The following LRRC37A variants were observed in gnomAD, a reference collection of about 807,000 sequenced individuals.
LRRC37A encodes leucine rich repeat containing 37A.
A neutral mutation model predicts 35.4 loss-of-function variants in LRRC37A; 3 were observed. The observed-to-expected ratio is 0.08, with a 90% confidence interval of 0.04 to 0.22. LRRC37A has a LOEUF of 0.22. LRRC37A is among the 10% of genes least tolerant of loss of function. The probability of loss-of-function intolerance (pLI) is 1.00; values close to 1 mark genes in which losing one functional copy is unlikely to be tolerated. For synonymous variants in LRRC37A, 23 were observed against 215.0 expected, an observed-to-expected ratio of 0.11 and a Z score of 7.81; for missense variants, 67 against 565.3, an observed-to-expected ratio of 0.12 and a Z score of 8.94.
At chr17:46,253,120 C>T in the LRRC37A span, among the ~76,000 whole-genome samples, 87 of 148,096 alleles carry the variant, frequency 5.9e-4, no homozygotes, top group African/African-American at 2.0e-3. Flanking sequence ...ATGGGGCGGC[C>T]GGGCAGAGAC....
the LRRC37A span, among the ~76,000 whole-genome samples, chr17:46,285,241 C>CT: frequency 0.063 from 8,609 of 137,356 alleles, 313 homozygotes; most frequent in Middle Eastern, 0.12. Flanking sequence ...CTTTTCTTTC[C>CT]TTTTTTTTTT....
At chr17:46,289,820 T>G (rs1334743761), upstream of LRRC37A, among the ~76,000 whole-genome samples, 4 of 152,232 alleles carry the variant, frequency 2.6e-5, no homozygotes, top group Non-Finnish European at 5.9e-5. Flanking sequence ...ATTTTATTTT[T>G]CCTTCTTTGA....
chr17:46,276,807 T>TTCTTTTTTTTTTTTTTTTC, the LRRC37A span, among the ~76,000 whole-genome samples: 1 of 149,604 alleles, frequency 6.7e-6, no homozygotes, highest in Non-Finnish European at 1.5e-5. Context: ...TTTTTTTTTT[T>TTCTTTTTTTTTTTTTTTTC]GATTTGTTTG....
chr17:46,256,956 T>C, the LRRC37A span, among the ~76,000 whole-genome samples: 1 of 152,390 alleles, frequency 6.6e-6, no homozygotes, highest in African/African-American at 2.4e-5. Context: ...AACAGCTATG[T>C]TTTATGTTAA....
At chr17:46,261,272 A>G in the LRRC37A span, among the ~76,000 whole-genome samples, 1 of 152,086 alleles carries the variant, frequency 6.6e-6, no homozygotes, top group Non-Finnish European at 1.5e-5. Flanking sequence ...GGAAGTGTAT[A>G]TTATCACTTC....
At chr17:46,279,853 T>C in the LRRC37A span, among the ~76,000 whole-genome samples, 3 of 152,214 alleles carry the variant, frequency 2.0e-5, no homozygotes, top group Non-Finnish European at 2.9e-5. Flanking sequence ...CCTTTCATTT[T>C]TATCCCTGAC....
At chr17:46,290,818 C>CA (rs1193553365), upstream of LRRC37A, among the ~76,000 whole-genome samples, 4 of 152,196 alleles carry the variant, frequency 2.6e-5, no homozygotes, top group African/African-American at 9.7e-5. Context: ...CAAAAACAAA[C>CA]AAAAAACCCA....
rs1319003583 is a variant in LRRC37A, at chr17:46,316,562, G to C, written c.2907-5760G>C. ...GCAATGCTGTCACCTCAGCCTCCTG[G>C]GTAGCTGAGACTACAGGCATGCACC... On this transcript the variant is annotated intron_variant, in intron 5 of 13. Coordinates refer to ENST00000320254, the Ensembl canonical transcript of LRRC37A. Among the ~76,000 whole-genome samples the C allele has an allele frequency of 7.6e-5, 5 of 65,492 alleles. 1 individual carries two copies. The highest frequency in any genetic ancestry group is 2.0e-4 in the African/African-American group (5 of 25,216). The allele number at this position is 65,492 out of a possible 152,430, so 43.0% of individuals were successfully genotyped here. A position where few individuals can be genotyped will look rare whatever the true frequency, so the allele number is the denominator to read the frequency against.
At chr17:46,262,716 C>T in the LRRC37A span, among the ~76,000 whole-genome samples, 2 of 149,378 alleles carry the variant, frequency 1.3e-5, no homozygotes, top group East Asian at 2.0e-4. Flanking sequence ...AACCGGGAGG[C>T]GGAGGTTGCG....
chr17:46,289,030 C>T (rs143191405), upstream of LRRC37A, among the ~76,000 whole-genome samples: 1,148 of 152,112 alleles, frequency 7.5e-3, 62 homozygotes, highest in East Asian at 0.13. Context: ...ATGCATTTTG[C>T]CATACTTTTT....
the LRRC37A span, among the ~76,000 whole-genome samples, chr17:46,248,763 G>A: frequency 2.0e-5 from 3 of 151,888 alleles, no homozygotes; most frequent in Non-Finnish European, 2.9e-5. Flanking sequence ...CAAGTGATCC[G>A]CCCGCCTTGG....
the LRRC37A span, chr17:46,267,162 G>A: frequency 1.2e-4 from 69 of 559,090 alleles, no homozygotes; most frequent in South Asian, 1.6e-3. Context: ...GGTGAGCCCG[G>A]CCGCCGCGCC....
At chr17:46,291,686 C>G (rs1284231498), upstream of LRRC37A, among the ~76,000 whole-genome samples, 2 of 151,870 alleles carry the variant, frequency 1.3e-5, no homozygotes, top group Non-Finnish European at 2.9e-5. Flanking sequence ...TTTGGGAAGT[C>G]GAGGAAGGAG....
chr17:46,257,664 A>C, the LRRC37A span, among the ~76,000 whole-genome samples: 28 of 151,478 alleles, frequency 1.8e-4, no homozygotes, highest in Admixed American at 1.8e-3. Flanking sequence ...AAAAAAAAAA[A>C]AAAACACCAA....
At chr17:46,287,544 G>A in the LRRC37A span, among the ~76,000 whole-genome samples, 1 of 152,262 alleles carries the variant, frequency 6.6e-6, no homozygotes, top group African/African-American at 2.4e-5. Context: ...GGTACATAGA[G>A]CAATTCAATC....
intron 5 of LRRC37A, among the ~76,000 whole-genome samples, chr17:46,317,109 T>C: frequency 1.1e-5 from 1 of 87,154 alleles, no homozygotes; most frequent in Non-Finnish European, 3.4e-5. Context: ...CATGGCCCGT[T>C]CTCAATGAGC....
At chr17:46,271,346 T>G in the LRRC37A span, among the ~76,000 whole-genome samples, 1 of 150,322 alleles carries the variant, frequency 6.7e-6, no homozygotes, top group Non-Finnish European at 1.5e-5. Flanking sequence ...TTTTTTTTTT[T>G]TTTTTTTGTA....
At chr17:46,287,700 C>T in the LRRC37A span, among the ~76,000 whole-genome samples, 1 of 152,168 alleles carries the variant, frequency 6.6e-6, no homozygotes, top group Non-Finnish European at 1.5e-5. Context: ...GGGTAGGGAA[C>T]GTGGAAGGAG....
the LRRC37A span, chr17:46,259,624 A>G: frequency 1.2e-6 from 2 of 1,603,860 alleles, no homozygotes; most frequent in South Asian, 1.1e-5. Context: ...GAGTGCCTGC[A>G]GCAGCCCTAC....
Sources: gnomAD v4.1 joint callset for allele counts (sites outside exome capture counted in the v4.1 genomes callset) on GRCh38, gnomAD v4.1.1 for gene constraint, MANE v1.5 for transcripts, NCBI Gene and HGNC (gene_info 2026-07-23, HGNC 2026-07-21) for gene names.